The following MTUS2 variants were observed in gnomAD, a reference collection of about 807,000 sequenced individuals.
MTUS2 encodes microtubule associated scaffold protein 2.
Under a neutral mutation model 114.1 loss-of-function variants are expected in MTUS2, and 40 were observed. That is an observed-to-expected ratio of 0.35 (90% CI 0.27 to 0.46). MTUS2 has a LOEUF of 0.46. MTUS2 is among the 20% of genes least tolerant of loss of function. MTUS2 has a pLI of 1.00. For synonymous variants in MTUS2, 688 were observed against 672.0 expected (o/e 1.02, Z -0.37); for missense variants, 1,679 against 1,705.4 (o/e 0.98, Z 0.27).
intron 6 of MTUS2, among the ~76,000 whole-genome samples, chr13:29,300,751 C>T (rs144715274): frequency 1.2e-3 from 184 of 152,110 alleles, no homozygotes; most frequent in African/African-American, 4.0e-3. Context: ...TAGTAAAAGA[C>T]GCAAGAATAA....
chr13:28,914,354 C>T (rs1880627924), intron 2 of MTUS2, among the ~76,000 whole-genome samples: 4 of 151,892 alleles, frequency 2.6e-5, no homozygotes, highest in Admixed American at 2.6e-4. Context: ...CATTATTTAC[C>T]CAGGAGTCAT....
At chr13:29,183,184 G>A (rs1364412877) in intron 5 of MTUS2, among the ~76,000 whole-genome samples, 3 of 152,270 alleles carry the variant, frequency 2.0e-5, no homozygotes, top group Admixed American at 6.5e-5. Flanking sequence ...AGATGGTAAG[G>A]AGCAGCCAAG....
intron 6 of MTUS2, among the ~76,000 whole-genome samples, chr13:29,301,904 C>G (rs1408903950): frequency 4.6e-5 from 7 of 152,118 alleles, no homozygotes; most frequent in Non-Finnish European, 1.0e-4. Context: ...TAGATGGTGC[C>G]TTCTTGCTGT....
intron 4 of MTUS2, among the ~76,000 whole-genome samples, chr13:29,076,667 C>T (rs1367049131): frequency 1.3e-5 from 2 of 152,142 alleles, no homozygotes; most frequent in Non-Finnish European, 2.9e-5. Flanking sequence ...CTGGCTTCCC[C>T]CTCGATGAGC....
At chr13:29,035,267 C>T (rs1177720444) in intron 4 of MTUS2, among the ~76,000 whole-genome samples, 1 of 152,144 alleles carries the variant, frequency 6.6e-6, no homozygotes, top group African/African-American at 2.4e-5. Context: ...TCATTGGACA[C>T]CCAGCAAAAC....
chr13:29,393,723 C>T lies in MTUS2; in HGVS notation c.3117+34250C>T, dbSNP rs547084471. 2.9e-4 allele frequency among the ~76,000 whole-genome samples: 44 copies of T among 152,234 alleles called. No homozygotes were observed. In the South Asian group the frequency reaches 3.3e-3, roughly 11 times the overall value. On this transcript the variant is annotated intron_variant, in intron 8 of 15. Transcript: ENST00000612955. ...GTGACACAGCCTCAGGAGGTCCTGA[C>T]GACATGTGCCCAAGATAGTCCAAGA...
chr13:29,278,734 T>C (rs1399108642), intron 5 of MTUS2, among the ~76,000 whole-genome samples: 2 of 152,232 alleles, frequency 1.3e-5, no homozygotes. Flanking sequence ...GTCAGTGGAA[T>C]TGATGATGTT....
chr13:29,103,875 G>C (rs772384652), intron 5 of MTUS2, among the ~76,000 whole-genome samples: 1 of 152,316 alleles, frequency 6.6e-6, no homozygotes, highest in South Asian at 2.1e-4. Flanking sequence ...TGTCCACACT[G>C]ACTGTGGCAT....
chr13:29,332,505 A>T (rs796841820), intron 7 of MTUS2, among the ~76,000 whole-genome samples: 28 of 147,508 alleles, frequency 1.9e-4, no homozygotes, highest in African/African-American at 7.3e-4. Context: ...TTCAAAAAAC[A>T]AGCTCCTGGA....
intron 2 of MTUS2, among the ~76,000 whole-genome samples, chr13:28,977,111 G>A (rs1044102186): frequency 3.3e-5 from 5 of 152,088 alleles, no homozygotes; most frequent in Non-Finnish European, 7.4e-5. Flanking sequence ...ATAACCCTGG[G>A]TTCACAAATG....
chr13:28,964,019 C>T (rs1046843761), intron 2 of MTUS2, among the ~76,000 whole-genome samples: 1 of 152,172 alleles, frequency 6.6e-6, no homozygotes. Context: ...CTTCCCCAGG[C>T]CCTTGCTATG....
chr13:29,063,752 A>G (rs1426736210), intron 4 of MTUS2, among the ~76,000 whole-genome samples: 3 of 152,236 alleles, frequency 2.0e-5, no homozygotes, highest in Non-Finnish European at 4.4e-5. Context: ...ATCAAAGTGT[A>G]CACATCTGCT....
At chr13:28,948,049 A>C (rs1247839613) in intron 2 of MTUS2, among the ~76,000 whole-genome samples, 1 of 152,228 alleles carries the variant, frequency 6.6e-6, no homozygotes, top group African/African-American at 2.4e-5. Context: ...TCTTGTTCAA[A>C]GATGACAGAT....
intron 2 of MTUS2, among the ~76,000 whole-genome samples, chr13:28,907,234 A>G (rs1880089230): frequency 6.6e-6 from 1 of 151,656 alleles, no homozygotes; most frequent in African/African-American, 2.4e-5. Flanking sequence ...GCCTGCCCTA[A>G]AAGAGCTCCT....
intron 5 of MTUS2, among the ~76,000 whole-genome samples, chr13:29,186,782 A>G: frequency 6.6e-6 from 1 of 152,208 alleles, no homozygotes. Context: ...TAATAGACAT[A>G]TATAGAACAT....
intron 2 of MTUS2, among the ~76,000 whole-genome samples, chr13:28,929,377 C>T (rs1881492838): frequency 6.6e-6 from 1 of 152,132 alleles, no homozygotes; most frequent in Non-Finnish European, 1.5e-5. Flanking sequence ...ATCCCAATGA[C>T]ACTGATTTGA....
chr13:29,322,619 C>T (rs980162075), intron 6 of MTUS2, among the ~76,000 whole-genome samples: 6 of 152,006 alleles, frequency 3.9e-5, no homozygotes, highest in African/African-American at 9.7e-5. Flanking sequence ...AAGAATGAAG[C>T]GGGTGAAGGG....
intron 2 of MTUS2, among the ~76,000 whole-genome samples, chr13:28,904,297 C>A (rs1879841060): frequency 6.6e-6 from 1 of 152,062 alleles, no homozygotes; most frequent in Non-Finnish European, 1.5e-5. Context: ...GTTGCCCTTG[C>A]TTTTGGTGTT....
At chr13:29,492,563 C>T in intron 11 of MTUS2, 83 bp from the exon 12 acceptor site, 2 of 1,069,236 alleles carry the variant, frequency 1.9e-6, no homozygotes, top group Admixed American at 4.1e-5. Flanking sequence ...CCTGAAGTCA[C>T]AGGTCTTAAG....
Sources: gnomAD v4.1 joint callset for allele counts (sites outside exome capture counted in the v4.1 genomes callset) on GRCh38, gnomAD v4.1.1 for gene constraint, MANE v1.5 for transcripts, NCBI Gene and HGNC (gene_info 2026-07-23, HGNC 2026-07-21) for gene names.